PCDHGC5: variants seen among roughly 807,000 people sequenced by gnomAD.
The protein encoded by PCDHGC5 is protocadherin gamma subfamily C, 5.
Under a neutral mutation model 59.0 loss-of-function variants are expected in PCDHGC5, and 25 were observed. The ratio of observed to expected loss-of-function variants is 0.42; its 90% CI spans 0.31 to 0.59. The LOEUF is 0.59. PCDHGC5 is among the 20% of genes least tolerant of loss of function. PCDHGC5 has a pLI of 0.13. For missense variants in PCDHGC5, 1,067 were observed against 1,206.4 expected (o/e 0.88, Z 1.71); for synonymous variants, 434 against 505.5 (o/e 0.86, Z 1.90).
intron 2 of PCDHGC5, among the ~76,000 whole-genome samples, chr5:141,502,686 C>T (rs2099815631): frequency 6.6e-6 from 1 of 152,136 alleles, no homozygotes; most frequent in Admixed American, 6.5e-5. Flanking sequence ...CCCTGATGAT[C>T]CTTGCCTGTA....
rs1456184444 is a variant in PCDHGC5, at chr5:141,512,578, C to G, written c.*1405C>G. ...ATAGACCTTCTTCTCCCACCCCCTT[C>G]TGCCCCTGGGTCCCCGGCCATCCAG... On this transcript the variant is annotated 3_prime_UTR_variant, in exon 4 of 4. Coordinates refer to ENST00000252087, the MANE Select transcript of PCDHGC5 (RefSeq NM_018929.3). The G allele has an allele frequency of 6.5e-6, 1 of 153,062 alleles. No individual in the cohort carries two copies. The highest frequency in any genetic ancestry group is 1.5e-5 in the Non-Finnish European group (1 of 68,534). 9.5% of individuals were successfully genotyped at this position (153,062 alleles called of 1,614,324 possible). A position where few individuals can be genotyped will look rare whatever the true frequency, so the allele number is the denominator to read the frequency against.
rs1223618064 is a variant in PCDHGC5 at position 141,512,867 on chromosome 5, C to T, written c.*1694C>T. On this transcript the variant is annotated 3_prime_UTR_variant, in exon 4 of 4. Transcript: ENST00000252087. The stretch of plus-strand genomic sequence containing the variant: ...ATAAGCGCTTCTCTTCGCATAGTCA[C>T]GTAGCTCCCACCCCACCCTCTTCCT... 1 of 152,184 alleles carries T rather than the reference C, an allele frequency of 6.6e-6. No homozygotes were observed. The highest frequency in any genetic ancestry group is 1.5e-5 in the Non-Finnish European group (1 of 68,056). The allele number at this position is 152,184 out of a possible 1,614,324, so 9.4% of individuals were successfully genotyped here. A position where few individuals can be genotyped will look rare whatever the true frequency, so the allele number is the denominator to read the frequency against.
chr5:141,491,047 G>A lies in PCDHGC5; in HGVS notation c.1807G>A (p.Ala603Thr), dbSNP rs751761240. The change falls in exon 1 of 4, where the codon GCG (alanine) becomes ACG (threonine). Residue 603 changes from alanine (A) to threonine (T), a missense_variant. Coordinates refer to ENST00000252087, the MANE Select transcript of PCDHGC5 (RefSeq NM_018929.3). The surrounding 1 kb of genome is among the most constrained non-coding windows in gnomAD (Gnocchi z 6.9). Reference sequence around the variant, plus strand: ...CGTGGATGCTGATGCAGGCCACAATGCGTGGCTCTCCTACTCACTGTTGCC... The same window carrying A: ...CGTGGATGCTGATGCAGGCCACAATACGTGGCTCTCCTACTCACTGTTGCC... The part of the protein sequence containing the change: ...TAVDADAGHN[A>T]WLSYSLLPQS... 4 of 1,614,054 alleles carry A rather than the reference G, an allele frequency of 2.5e-6. No homozygotes were observed. Among genetic ancestry groups the A allele is most frequent in the Non-Finnish European group, 3.4e-6 (4 of 1,180,034 alleles).
intron 2 of PCDHGC5, among the ~76,000 whole-genome samples, chr5:141,504,355 C>T (rs974022699): frequency 6.6e-6 from 1 of 152,078 alleles, no homozygotes; most frequent in Non-Finnish European, 1.5e-5. Flanking sequence ...GTGCTAGGTG[C>T]TTCAGTAGGA....
At chr5:141,508,732 C>A (rs1037039751) in intron 3 of PCDHGC5, among the ~76,000 whole-genome samples, 3 of 151,880 alleles carry the variant, frequency 2.0e-5, no homozygotes, top group Non-Finnish European at 4.4e-5. Flanking sequence ...GGAGACTACA[C>A]CCCCCACCCC....
intron 1 of PCDHGC5, among the ~76,000 whole-genome samples, chr5:141,492,893 C>T (rs936521362): frequency 2.0e-5 from 3 of 152,178 alleles, no homozygotes; most frequent in Admixed American, 6.5e-5. Flanking sequence ...AGGCTTTTGG[C>T]GCCGTCGTGA....
At chr5:141,502,925 C>T (rs962871271) in intron 2 of PCDHGC5, among the ~76,000 whole-genome samples, 5 of 145,518 alleles carry the variant, frequency 3.4e-5, no homozygotes, top group Non-Finnish European at 5.9e-5. Flanking sequence ...GCAGTGGCAA[C>T]CTTCACCTCC....
Position 141,511,207 on chromosome 5 carries a change from T to A in PCDHGC5, c.*34T>A, listed in dbSNP as rs773761839. ...CCAGGCCAAGAGCCACAGGGCGGCC[T>A]CTCCCCAACCAGCCCAGCTTCTCCT... On this transcript the variant is annotated 3_prime_UTR_variant, in exon 4 of 4. Transcript: ENST00000252087. 1 of 1,611,162 alleles carries A rather than the reference T, an allele frequency of 6.2e-7. No individual in the cohort carries two copies. The highest frequency in any genetic ancestry group is 1.1e-5 in the South Asian group (1 of 90,702).
chr5:141,495,107 A>G (rs559621284), intron 2 of PCDHGC5, among the ~76,000 whole-genome samples: 1 of 152,166 alleles, frequency 6.6e-6, no homozygotes, highest in East Asian at 1.9e-4. Flanking sequence ...CACGACCGGC[A>G]CCTTTTCCTA....
chr5:141,510,954 T>G lies in PCDHGC5; in HGVS notation c.2616T>G (p.Ala872=), dbSNP rs774590102. The change falls in exon 4 of 4, where the codon GCT becomes GCG. Residue 872 remains alanine, a synonymous_variant. Coordinates refer to ENST00000252087, the MANE Select transcript of PCDHGC5 (RefSeq NM_018929.3). ...AMILASASEA[A]DGSSTLGGGA... ...CTTCCTCTGTCTCTGCAGAAGCTGC[T>G]GATGGGAGCTCCACCCTGGGAGGGG... is the stretch of plus-strand genomic sequence containing the variant. The G allele has an allele frequency of 3.1e-6, 5 of 1,614,162 alleles. No homozygotes were observed. The Admixed American group carries it at 8.3e-5, about 27-fold the overall frequency.
At chr5:141,503,598 C>CAAA (rs765754054) in intron 2 of PCDHGC5, among the ~76,000 whole-genome samples, 1 of 65,748 alleles carries the variant, frequency 1.5e-5, no homozygotes. Context: ...GACTCCAGCT[C>CAAA]AAAAAAAAAA....
chr5:141,511,403 A>C lies in PCDHGC5; in HGVS notation c.*230A>C. On this transcript the variant is annotated 3_prime_UTR_variant, in exon 4 of 4. Coordinates refer to ENST00000252087, the MANE Select transcript of PCDHGC5 (RefSeq NM_018929.3). Reference sequence around the variant, plus strand: ...TCCGCTGGGAACCCCCATCCAATCAACTGCTGTACCCATGGGGGTAGTGGG... The same window carrying C: ...TCCGCTGGGAACCCCCATCCAATCACCTGCTGTACCCATGGGGGTAGTGGG... 8.5e-6 allele frequency: 8 copies of C among 939,018 alleles called. No individual in the cohort carries two copies. The highest frequency in any genetic ancestry group is 1.2e-5 in the Non-Finnish European group (8 of 650,834). The allele number at this position is 939,018 out of a possible 1,614,324, so 58.2% of individuals were successfully genotyped here. A position where few individuals can be genotyped will look rare whatever the true frequency, so the allele number is the denominator to read the frequency against.
intron 2 of PCDHGC5, among the ~76,000 whole-genome samples, chr5:141,500,877 A>AT (rs369345007): frequency 0.053 from 6,532 of 122,188 alleles, 326 homozygotes; most frequent in Admixed American, 0.19. Context: ...TTCATTTACA[A>AT]TTTTTTTTTT....
In PCDHGC5 at chr5:141,489,126, T is replaced by C; in HGVS notation, c.-115T>C. ...TGCAAGCAGGCAAACCTCCGAGCAG[T>C]TTTTAAGAGGCTGGAAGGAGACATA... On this transcript the variant is annotated 5_prime_UTR_variant, in exon 1 of 4. Coordinates refer to ENST00000252087, the MANE Select transcript of PCDHGC5 (RefSeq NM_018929.3). This position sits in a 1 kb window ranked among gnomAD's most constrained non-coding sequence, Gnocchi z 4.5. 1.7e-6 allele frequency: 1 copy of C among 585,136 alleles called. No individual in the cohort carries two copies. Among genetic ancestry groups the C allele is most frequent in the South Asian group, 3.2e-5 (1 of 31,406 alleles). The allele number at this position is 585,136 out of a possible 1,614,324, so 36.2% of individuals were successfully genotyped here. A position where few individuals can be genotyped will look rare whatever the true frequency, so the allele number is the denominator to read the frequency against.
intron 2 of PCDHGC5, 30 bp from the exon 3 acceptor site, chr5:141,505,361 AGT>A: frequency 6.2e-7 from 1 of 1,613,910 alleles, no homozygotes; most frequent in Non-Finnish European, 8.5e-7. Context: ...CCGGCCTGGG[AGT>A]CTGTGCTCAC....
rs745457172 is a variant in PCDHGC5 at position 141,490,744 on chromosome 5, C to T, written c.1504C>T (p.Pro502Ser). ...SIVGNQVQGAPASSFVYVNPE... is the reference protein window; with the variant it reads ...SIVGNQVQGASASSFVYVNPE... The stretch of plus-strand genomic sequence containing the variant: ...TGTAGGAAATCAGGTTCAGGGAGCC[C>T]CAGCCTCCTCCTTTGTGTATGTCAA... The change falls in exon 1 of 4, where the codon CCA becomes TCA. Residue 502 changes from proline (P) to serine (S), a missense_variant. By Grantham distance (74) the Pro-to-Ser change is moderately conservative (BLOSUM62 -1). Coordinates refer to ENST00000252087, the MANE Select transcript of PCDHGC5 (RefSeq NM_018929.3). The surrounding 1 kb of genome is among the most constrained non-coding windows in gnomAD (Gnocchi z 5.4). 1 of 1,614,142 alleles carries T rather than the reference C, an allele frequency of 6.2e-7. No homozygotes were observed. Among genetic ancestry groups the T allele is most frequent in the Non-Finnish European group, 8.5e-7 (1 of 1,180,006 alleles).
At chr5:141,503,479 G>A (rs1203644194) in intron 2 of PCDHGC5, among the ~76,000 whole-genome samples, 5 of 151,616 alleles carry the variant, frequency 3.3e-5, no homozygotes, top group African/African-American at 9.7e-5. Context: ...TGCACTTGTC[G>A]TCCCAGCTGC....
In PCDHGC5 at chr5:141,489,210, G is replaced by A; in HGVS notation, c.-31G>A. ...TCTACCTTGGAGACAGGACAGCACAGACTTACTCTCCACAAAGGGACTTCT... is the reference window on the plus strand; with the variant it reads ...TCTACCTTGGAGACAGGACAGCACAAACTTACTCTCCACAAAGGGACTTCT... On this transcript the variant is annotated 5_prime_UTR_variant, in exon 1 of 4. Coordinates refer to ENST00000252087, the MANE Select transcript of PCDHGC5 (RefSeq NM_018929.3). The surrounding 1 kb of genome is among the most constrained non-coding windows in gnomAD (Gnocchi z 4.5). 6 of 1,461,860 alleles carry A rather than the reference G, an allele frequency of 4.1e-6. No homozygotes were observed. Among genetic ancestry groups the A allele is most frequent in the Non-Finnish European group, 5.6e-6 (6 of 1,080,904 alleles). 90.6% of individuals were successfully genotyped at this position (1,461,860 alleles called of 1,614,324 possible). A position where few individuals can be genotyped will look rare whatever the true frequency, so the allele number is the denominator to read the frequency against.
At chr5:141,495,437 C>T (rs2099761356) in intron 2 of PCDHGC5, among the ~76,000 whole-genome samples, 1 of 152,178 alleles carries the variant, frequency 6.6e-6, no homozygotes, top group East Asian at 1.9e-4. Flanking sequence ...GTCCTCTGCC[C>T]CTACTTGTCC....
Sources: gnomAD v4.1 joint callset for allele counts (sites outside exome capture counted in the v4.1 genomes callset) on GRCh38, gnomAD v4.1.1 for gene constraint, Gnocchi (gnomAD v3.1) non-coding constraint, MANE v1.5 for transcripts, NCBI Gene and HGNC (gene_info 2026-07-23, HGNC 2026-07-21) for gene names.